The following DACH1 variants were observed in gnomAD, a reference collection of about 807,000 sequenced individuals.
DACH1 encodes the protein dachshund family transcription factor 1, also known as dachshund homolog 1.
A neutral mutation model predicts 54.2 loss-of-function variants in DACH1; 12 were observed. The ratio of observed to expected loss-of-function variants is 0.22; its 90% CI spans 0.14 to 0.36. DACH1 has a LOEUF of 0.36. DACH1 is among the 10% of genes least tolerant of loss of function. The probability of loss-of-function intolerance (pLI) is 1.00; values close to 1 mark genes in which losing one functional copy is unlikely to be tolerated. For missense variants in DACH1, 805 were observed against 929.8 expected (o/e 0.87, Z 1.75); for synonymous variants, 386 against 366.2 (o/e 1.05, Z -0.62).
chr13:71,575,854 A>G (rs1460859679), intron 3 of DACH1, among the ~76,000 whole-genome samples: 1 of 152,098 alleles, frequency 6.6e-6, no homozygotes. Context: ...TTAAGAAACT[A>G]AGTCTGATGA....
chr13:71,718,114 G>A (rs1883065370), intron 1 of DACH1, among the ~76,000 whole-genome samples: 1 of 151,938 alleles, frequency 6.6e-6, no homozygotes, highest in African/African-American at 2.4e-5. Context: ...AAATGAAGAA[G>A]GAAAGAGAGC....
In DACH1 at chr13:71,556,734, A is replaced by C. The variant is rs184855261; in HGVS notation, c.1570+290T>G. Among the ~76,000 whole-genome samples, 285 of 152,250 alleles carry C rather than the reference A, an allele frequency of 1.9e-3. 2 individuals are homozygous for C. The highest frequency in any genetic ancestry group is 3.2e-3 in the Non-Finnish European group (221 of 68,024). Reference sequence around the variant, plus strand: ...GACCCTGAAGGTATTGAAAAAGTCAAATAGCAGACCCTTTAGGAACTGAGA... The same window carrying C: ...GACCCTGAAGGTATTGAAAAAGTCACATAGCAGACCCTTTAGGAACTGAGA... On this transcript the variant is annotated intron_variant, in intron 6 of 10. Transcript: ENST00000613252.
intron 2 of DACH1, among the ~76,000 whole-genome samples, chr13:71,656,019 G>T (rs562429284): frequency 6.6e-6 from 1 of 152,166 alleles, no homozygotes; most frequent in Admixed American, 6.5e-5. Flanking sequence ...TGAAACTTGC[G>T]TGACATACTT....
chr13:71,532,836 GTTAGTT>G (rs1882504452), intron 6 of DACH1, among the ~76,000 whole-genome samples: 1 of 151,794 alleles, frequency 6.6e-6, no homozygotes, highest in Non-Finnish European at 1.5e-5. Flanking sequence ...ATATTTCACT[GTTAGTT>G]TTATTTTTAT....
intron 1 of DACH1, among the ~76,000 whole-genome samples, chr13:71,767,330 C>CT (rs1417602996): frequency 6.6e-6 from 1 of 151,768 alleles, no homozygotes; most frequent in Non-Finnish European, 1.5e-5. Flanking sequence ...TGTGAAAAAT[C>CT]TAAGTTATAG....
At chr13:71,807,713 T>C (rs903794915) in intron 1 of DACH1, among the ~76,000 whole-genome samples, 1 of 152,210 alleles carries the variant, frequency 6.6e-6, no homozygotes, top group Non-Finnish European at 1.5e-5. Context: ...ATTGATTTCC[T>C]GAAAATTGAC....
rs575682584 is a variant in DACH1 at position 71,531,921 on chromosome 13, CAT to C, written c.1570+25101_1570+25102del. 4.6e-3 allele frequency among the ~76,000 whole-genome samples: 691 copies of C among 151,784 alleles called. 4 individuals carry two copies. The highest frequency in any genetic ancestry group is 7.6e-3 in the Non-Finnish European group (514 of 67,800). On this transcript the variant is annotated intron_variant, in intron 6 of 10. Transcript: ENST00000613252. ...ATATCATTCTTTTGAGGAATAATCACATATATATGTGTGTGTATATACATGTG... is the reference window on the plus strand; with the variant it reads ...ATATCATTCTTTTGAGGAATAATCACATATATGTGTGTGTATATACATGTG...
chr13:71,517,568 G>C (rs949331084), intron 6 of DACH1, among the ~76,000 whole-genome samples: 4 of 151,742 alleles, frequency 2.6e-5, no homozygotes, highest in Non-Finnish European at 4.4e-5. Flanking sequence ...AATACACATG[G>C]ATTAAATTAA....
At chr13:71,647,359 T>A (rs545059175) in intron 2 of DACH1, among the ~76,000 whole-genome samples, 40 of 152,334 alleles carry the variant, frequency 2.6e-4, no homozygotes, top group African/African-American at 9.4e-4. Context: ...GTTAGATAAA[T>A]CAGGAAATCA....
chr13:71,674,781 CAA>C (rs1880446270), intron 2 of DACH1, among the ~76,000 whole-genome samples: 1 of 15,738 alleles, frequency 6.4e-5, no homozygotes, highest in African/African-American at 2.5e-4. Flanking sequence ...GTGGGCCTTA[CAA>C]AAAGGAAAAA....
intron 1 of DACH1, among the ~76,000 whole-genome samples, chr13:71,823,740 C>T (rs1594266665): frequency 6.6e-6 from 1 of 151,914 alleles, no homozygotes; most frequent in South Asian, 2.1e-4. Flanking sequence ...AAAATTATTT[C>T]AATGACAACC....
intron 1 of DACH1, among the ~76,000 whole-genome samples, chr13:71,690,328 T>G (rs954956246): frequency 3.9e-5 from 6 of 152,230 alleles, no homozygotes; most frequent in Non-Finnish European, 4.4e-5. Context: ...TTAATACCAT[T>G]TGCAAATTTC....
chr13:71,533,317 T>G (rs1882539514), intron 6 of DACH1, among the ~76,000 whole-genome samples: 1 of 151,912 alleles, frequency 6.6e-6, no homozygotes, highest in South Asian at 2.1e-4. Context: ...ATAAAAAAGT[T>G]TCATAAGTAA....
At chr13:71,696,326 CTATGA>C (rs1881830669) in intron 1 of DACH1, among the ~76,000 whole-genome samples, 2 of 152,280 alleles carry the variant, frequency 1.3e-5, no homozygotes, top group Middle Eastern at 3.4e-3. Flanking sequence ...CACAATAACT[CTATGA>C]TATAACTATC....
chr13:71,731,222 G>C (rs911214272), intron 1 of DACH1, among the ~76,000 whole-genome samples: 1 of 151,222 alleles, frequency 6.6e-6, no homozygotes, highest in African/African-American at 2.4e-5. Flanking sequence ...TCTATTACTA[G>C]ATTACTAGAA....
At chr13:71,681,931 A>T in intron 1 of DACH1, 21 bp from the exon 2 acceptor site, 3 of 1,487,172 alleles carry the variant, frequency 2.0e-6, no homozygotes, top group Non-Finnish European at 2.8e-6. Flanking sequence ...CAAACAAAAA[A>T]TTTTTACAAT....
chr13:71,818,352 A>G (rs1888048651), intron 1 of DACH1, among the ~76,000 whole-genome samples: 1 of 152,184 alleles, frequency 6.6e-6, no homozygotes. Flanking sequence ...AGATTTGCAT[A>G]ATGAAAAAAC....
Position 71,866,308 on chromosome 13 carries a change from A to ACTACTG in DACH1, c.456_461dup (p.Ser162_Ser163dup). ...TGCTGCTGCTACTGCTGCTGCTGCT[A>ACTACTG]CTACTGCTGCTGCTGCTGCTGCTGC... On this transcript the variant is annotated inframe_insertion, in exon 1 of 11. Transcript: ENST00000613252. 1 of 1,553,896 alleles carries ACTACTG rather than the reference A, an allele frequency of 6.4e-7. No individual in the cohort carries two copies. Among genetic ancestry groups the ACTACTG allele is most frequent in the East Asian group, 2.4e-5 (1 of 41,228 alleles).
chr13:71,454,621 G>T (rs928088159), intron 10 of DACH1, among the ~76,000 whole-genome samples: 2 of 152,196 alleles, frequency 1.3e-5, no homozygotes, highest in Non-Finnish European at 2.9e-5. Flanking sequence ...AGGAACTGAT[G>T]GTGGCCTCTG....
Sources: allele counts gnomAD v4.1 joint callset (sites outside exome capture counted in the v4.1 genomes callset), GRCh38; gene constraint gnomAD v4.1.1; transcripts MANE v1.5; gene names NCBI Gene and HGNC (gene_info 2026-07-23, HGNC 2026-07-21).